NALF1: variants seen among roughly 807,000 people sequenced by gnomAD.
The protein encoded by NALF1 is NALCN channel auxiliary factor 1, also known as family with sequence similarity 155 member A.
A neutral mutation model predicts 48.4 loss-of-function variants in NALF1; 3 were observed. That is an observed-to-expected ratio of 0.06 (90% CI 0.03 to 0.16). NALF1 has a LOEUF of 0.16. Ranked by LOEUF, NALF1 falls within the 10% of genes least tolerant of loss-of-function variation. NALF1 has a pLI of 1.00. For missense variants in NALF1, 526 were observed against 571.5 expected (o/e 0.92, Z 0.81); for synonymous variants, 262 against 245.7 (o/e 1.07, Z -0.62).
chr13:107,248,984 CATATAT>C (rs1172327104), intron 1 of NALF1, among the ~76,000 whole-genome samples: 1 of 150,754 alleles, frequency 6.6e-6, no homozygotes, highest in Admixed American at 6.6e-5. Flanking sequence ...ATATACACAA[CATATAT>C]ATATGTTGTG....
chr13:107,503,904 C>T (rs565446732), intron 1 of NALF1, among the ~76,000 whole-genome samples: 7 of 149,990 alleles, frequency 4.7e-5, no homozygotes, highest in African/African-American at 7.3e-5. Flanking sequence ...AAAAATATTG[C>T]ATCTTCTCAC....
intron 2 of NALF1, among the ~76,000 whole-genome samples, chr13:107,193,115 T>C (rs564354485): frequency 2.6e-5 from 4 of 152,296 alleles, no homozygotes; most frequent in Admixed American, 1.3e-4. Flanking sequence ...TGGTATAAGA[T>C]GACATTTTCC....
At chr13:107,435,160 A>G (rs1213514674) in intron 1 of NALF1, among the ~76,000 whole-genome samples, 1 of 152,140 alleles carries the variant, frequency 6.6e-6, no homozygotes, top group Non-Finnish European at 1.5e-5. Context: ...ACACAGACAA[A>G]AAGCCCAAAG....
At chr13:107,321,208 C>A (rs1052048423) in intron 1 of NALF1, among the ~76,000 whole-genome samples, 4 of 151,976 alleles carry the variant, frequency 2.6e-5, no homozygotes, top group African/African-American at 9.7e-5. Context: ...TATTAAACAT[C>A]CTAATGATGG....
At chr13:107,667,995 G>T (rs745423699) in intron 1 of NALF1, among the ~76,000 whole-genome samples, 43 of 151,970 alleles carry the variant, frequency 2.8e-4, no homozygotes, top group African/African-American at 1.0e-3. Flanking sequence ...ATTTACAATG[G>T]AAAAATATGT....
chr13:107,587,781 T>C (rs1278937979), intron 1 of NALF1, among the ~76,000 whole-genome samples: 3 of 152,280 alleles, frequency 2.0e-5, no homozygotes, highest in Non-Finnish European at 4.4e-5. Context: ...ATTAGATTAA[T>C]TGTTGTCCAT....
At chr13:107,273,430 T>C (rs1881216255) in intron 1 of NALF1, among the ~76,000 whole-genome samples, 1 of 152,212 alleles carries the variant, frequency 6.6e-6, no homozygotes, top group Non-Finnish European at 1.5e-5. Context: ...TTGTTACAGG[T>C]GCCTCAGCCA....
chr13:107,769,636 C>G (rs951548874), intron 1 of NALF1, among the ~76,000 whole-genome samples: 13 of 149,874 alleles, frequency 8.7e-5, no homozygotes, highest in African/African-American at 3.2e-4. Flanking sequence ...CACATGTATA[C>G]ATATGTAACT....
chr13:107,388,934 C>G (rs78283333), intron 1 of NALF1, among the ~76,000 whole-genome samples: 3,945 of 152,200 alleles, frequency 0.026, 187 homozygotes, highest in African/African-American at 0.09. Context: ...TATTTCTAAA[C>G]CTGCTATAAC....
chr13:107,732,711 G>A (rs888292698), intron 1 of NALF1, among the ~76,000 whole-genome samples: 4 of 152,150 alleles, frequency 2.6e-5, no homozygotes, highest in African/African-American at 9.7e-5. Flanking sequence ...ATCTCATAGT[G>A]AGATCTGTAG....
At chr13:107,428,945 T>G (rs1884328206) in intron 1 of NALF1, among the ~76,000 whole-genome samples, 1 of 152,236 alleles carries the variant, frequency 6.6e-6, no homozygotes, top group Admixed American at 6.5e-5. Context: ...ATTAGGTGCT[T>G]AATATGAATA....
intron 1 of NALF1, among the ~76,000 whole-genome samples, chr13:107,710,663 G>A (rs1385440991): frequency 6.6e-6 from 1 of 151,774 alleles, no homozygotes; most frequent in African/African-American, 2.4e-5. Flanking sequence ...GAGCATGGGG[G>A]AAACCACCTG....
chr13:107,175,379 T>C (rs1878906579), intron 2 of NALF1, among the ~76,000 whole-genome samples: 1 of 152,132 alleles, frequency 6.6e-6, no homozygotes, highest in Non-Finnish European at 1.5e-5. Context: ...ACTCTGGATG[T>C]AAATCGAACT....
chr13:107,529,194 G>A (rs1311162265), intron 1 of NALF1, among the ~76,000 whole-genome samples: 1 of 152,122 alleles, frequency 6.6e-6, no homozygotes, highest in Non-Finnish European at 1.5e-5. Context: ...AGTTCTCTCA[G>A]TGCTTAGCAT....
chr13:107,672,251 T>A (rs1351527127), intron 1 of NALF1, among the ~76,000 whole-genome samples: 1 of 152,330 alleles, frequency 6.6e-6, no homozygotes, highest in East Asian at 1.9e-4. Flanking sequence ...TAGCTTGCCA[T>A]AATAGAGGAA....
intron 1 of NALF1, among the ~76,000 whole-genome samples, chr13:107,698,902 A>G (rs1453938555): frequency 6.6e-6 from 1 of 152,098 alleles, no homozygotes; most frequent in African/African-American, 2.4e-5. Flanking sequence ...TAGGGTCATC[A>G]GCATTGGGAA....
At chr13:107,722,442 A>G (rs1458871484) in intron 1 of NALF1, among the ~76,000 whole-genome samples, 1 of 152,128 alleles carries the variant, frequency 6.6e-6, no homozygotes, top group Non-Finnish European at 1.5e-5. Flanking sequence ...ACTGAAAATG[A>G]GGAGCCTCAG....
intron 1 of NALF1, among the ~76,000 whole-genome samples, chr13:107,456,259 T>C (rs2274040): frequency 0.19 from 28,252 of 152,060 alleles, 3,068 homozygotes; most frequent in African/African-American, 0.29. Context: ...AACTTATTAT[T>C]TTTTCTGTGA....
chr13:107,844,698 T>C (rs545484435), intron 1 of NALF1, among the ~76,000 whole-genome samples: 4 of 152,296 alleles, frequency 2.6e-5, no homozygotes, highest in Non-Finnish European at 5.9e-5. Flanking sequence ...CATTTTCAAA[T>C]GAAGAGATGG....
Sources: allele counts gnomAD v4.1 joint callset (sites outside exome capture counted in the v4.1 genomes callset), GRCh38; gene constraint gnomAD v4.1.1; transcripts MANE v1.5; gene names NCBI Gene and HGNC (gene_info 2026-07-23, HGNC 2026-07-21).